The following TOP2A variants were observed in gnomAD, a reference collection of about 807,000 sequenced individuals.
The protein encoded by TOP2A is DNA topoisomerase II alpha.
Under a neutral mutation model 187.2 loss-of-function variants are expected in TOP2A, and 68 were observed. The ratio of observed to expected loss-of-function variants is 0.36; its 90% CI spans 0.30 to 0.44. TOP2A has a LOEUF of 0.44. TOP2A is among the 20% of genes least tolerant of loss of function. The pLI, the probability that TOP2A is intolerant of heterozygous loss-of-function variation, is 1.00. For missense variants in TOP2A, 1,196 were observed against 1,808.7 expected, an observed-to-expected ratio of 0.66 and a Z score of 6.14; for synonymous variants, 542 against 593.2, an observed-to-expected ratio of 0.91 and a Z score of 1.25.
chr17:40,398,898 T>C lies in TOP2A; in HGVS notation c.3328A>G (p.Lys1110Glu), dbSNP rs199941801. 3.5e-4 allele frequency: 557 copies of C among 1,612,606 alleles called. 1 individual carries two copies. The highest frequency in any genetic ancestry group is 4.4e-4 in the Non-Finnish European group (520 of 1,179,466). The change falls in exon 26 of 35, where the codon AAG (lysine) becomes GAG (glutamate). Residue 1110 changes from lysine to glutamate, a missense_variant. Lys to Glu is a moderately conservative substitution (Grantham distance 56). This residue lies in a region of TOP2A where 232 missense variants were observed against 306.1 expected (regional missense o/e 0.76). Coordinates refer to ENST00000423485, the MANE Select transcript of TOP2A (RefSeq NM_001067.4). Reference sequence around the variant, plus strand: ...ACGGAGTCACTCTTTTCAGTTTCCTTTTCGTTGTCACTCTCTTCATTTTCT... The same window carrying C: ...ACGGAGTCACTCTTTTCAGTTTCCTCTTCGTTGTCACTCTCTTCATTTTCT... ...EEENEESDNEKETEKSDSVTD... is the reference protein window; with the variant it reads ...EEENEESDNEEETEKSDSVTD...
rs536650393 is a variant in TOP2A at position 40,399,354 on chromosome 17, G to T, written c.3197-223C>A. Reference sequence around the variant, plus strand: ...ATATATGATCAAATCATTTTTTTTTGGAGACAGGGTCTCTCTCACTCTTGT... The same window carrying T: ...ATATATGATCAAATCATTTTTTTTTTGAGACAGGGTCTCTCTCACTCTTGT... On this transcript the variant is annotated intron_variant, in intron 24 of 34. Coordinates refer to ENST00000423485, the MANE Select transcript of TOP2A (RefSeq NM_001067.4). The T allele has an allele frequency of 6.5e-5, 31 of 478,712 alleles. 1 individual carries two copies. Among genetic ancestry groups the T allele is most frequent in the East Asian group, 6.1e-4 (16 of 26,346 alleles). 29.7% of individuals were successfully genotyped at this position (478,712 alleles called of 1,614,324 possible).
At chr17:40,413,430 A>AAT in intron 5 of TOP2A, 50 bp downstream of exon 5, 1 of 1,437,386 alleles carries the variant, frequency 7.0e-7, no homozygotes, top group Non-Finnish European at 9.3e-7. Flanking sequence ...CAGTCATTTA[A>AAT]ATATATATAT....
In TOP2A at chr17:40,389,781, C is replaced by A. The variant is rs1411044769; in HGVS notation, c.4468-134G>T. On this transcript the variant is annotated intron_variant, in intron 34 of 34. Transcript: ENST00000423485. ...CAAGTAATAAGAAGCAGATCTAAGGCCAACTCTTCCATTGCCCAAATAAGT... is the reference window on the plus strand; with the variant it reads ...CAAGTAATAAGAAGCAGATCTAAGGACAACTCTTCCATTGCCCAAATAAGT... The A allele has an allele frequency of 2.3e-6, 3 of 1,286,496 alleles. No individual in the cohort carries two copies. The African/African-American group carries it at 4.5e-5, about 19-fold the overall frequency. 79.7% of individuals were successfully genotyped at this position (1,286,496 alleles called of 1,614,324 possible).
Position 40,404,245 on chromosome 17 carries a change from C to T in TOP2A, c.2190G>A (p.Leu730=). 1.9e-6 allele frequency: 3 copies of T among 1,613,786 alleles called. No homozygotes were observed. Among genetic ancestry groups the T allele is most frequent in the Non-Finnish European group, 2.5e-6 (3 of 1,179,810 alleles). The change falls in exon 19 of 35, where the codon TTG becomes TTA. Residue 730 remains leucine, a synonymous_variant. Transcript: ENST00000423485. Reference sequence around the variant, plus strand: ...TGTCATTCCGTTTGAAGCAAGTAAACAAAACCTTTCTCTGACCTGGTTTCA... The same window carrying T: ...TGTCATTCCGTTTGAAGCAAGTAAATAAAACCTTTCTCTGACCTGGTTTCA... ...DGLKPGQRKV[L]FTCFKRNDKR... is the part of the protein sequence containing the mutation.
At chr17:40,409,060 G>C in intron 10 of TOP2A, 1 of 345,696 alleles carries the variant, frequency 2.9e-6, no homozygotes, top group East Asian at 8.0e-5. Flanking sequence ...CTGGCGTGGT[G>C]GTGGGCACCT....
Position 40,408,109 on chromosome 17 carries a change from G to C in TOP2A, c.1358C>G (p.Thr453Ser), listed in dbSNP as rs1468111537. The change falls in exon 12 of 35, where the codon ACT (threonine) becomes AGT (serine). Residue 453 changes from threonine (T) to serine (S), a missense_variant. By Grantham distance (58) the Thr-to-Ser change is moderately conservative. This residue lies in a region of TOP2A where 252 missense variants were observed against 434.8 expected (regional missense o/e 0.58). Coordinates refer to ENST00000423485, the MANE Select transcript of TOP2A (RefSeq NM_001067.4). ...CTCAGTCAGGATAAGCGTACACTCA[G>C]TGGAGTTTCGGCCCCCTAAAATAAA... ...DANDAGGRNS[T>S]ECTLILTEGD... 3 of 1,597,860 alleles carry C rather than the reference G, an allele frequency of 1.9e-6. No individual in the cohort carries two copies. The highest frequency in any genetic ancestry group is 2.6e-6 in the Non-Finnish European group (3 of 1,173,930).
intron 1 of TOP2A, chr17:40,417,480 C>T: frequency 3.1e-6 from 4 of 1,300,464 alleles, no homozygotes; most frequent in Middle Eastern, 2.8e-4. Context: ...GACTCAATAA[C>T]GTCGCACCCG....
At chr17:40,412,064 G>GTGCT (rs2035328334) in intron 7 of TOP2A, among the ~76,000 whole-genome samples, 1 of 152,042 alleles carries the variant, frequency 6.6e-6, no homozygotes, top group Non-Finnish European at 1.5e-5. Flanking sequence ...GGGCATGGTG[G>GTGCT]TGCTGCCTGC....
chr17:40,399,368 TCTCA>T (rs1567784156), intron 24 of TOP2A: 2 of 467,128 alleles, frequency 4.3e-6, no homozygotes, highest in African/African-American at 3.9e-5. Context: ...ACAGGGTCTC[TCTCA>T]CTCTTGTGTC....
intron 34 of TOP2A, 138 bp downstream of exon 34, chr17:40,389,827 A>G: frequency 7.9e-7 from 1 of 1,258,388 alleles, no homozygotes; most frequent in Admixed American, 2.8e-5. Context: ...ACTTTGTTAA[A>G]ACTAAATATG....
chr17:40,404,428 T>C lies in TOP2A; in HGVS notation c.2110A>G (p.Ile704Val). 6.2e-7 allele frequency: 1 copy of C among 1,612,492 alleles called. No homozygotes were observed. The highest frequency in any genetic ancestry group is 1.1e-5 in the South Asian group (1 of 90,868). Residue 704 changes from isoleucine (I) to valine (V), a missense_variant, in exon 18 of 35, where the codon ATC (isoleucine) becomes GTC (valine). Ile to Val is a conservative substitution (Grantham distance 29, BLOSUM62 3). Around this residue, in one of 10 missense-constraint regions of TOP2A, gnomAD observed 209 missense variants for 376.9 expected, o/e 0.55. Transcript: ENST00000423485. ...TYNDFINKEL[I>V]LFSNSDNERS... is the part of the protein sequence containing the mutation. ...TCGTTATCAGAATTTGAGAACAAGA[T>C]AAGTTCCTTGTTGATGAAGTCATTA...
intron 16 of TOP2A, among the ~76,000 whole-genome samples, chr17:40,405,114 T>C (rs520630): frequency 0.85 from 127,775 of 151,000 alleles, 54,596 homozygotes; most frequent in African/African-American, 0.96. Flanking sequence ...CTCAGCCTCC[T>C]GAGCCCCTGG....
intron 4 of TOP2A, among the ~76,000 whole-genome samples, chr17:40,414,491 C>CT (rs1397710323): frequency 1.3e-5 from 2 of 152,118 alleles, no homozygotes; most frequent in African/African-American, 2.4e-5. Context: ...AGTGAGTCAT[C>CT]ATGCCTATTA....
intron 27 of TOP2A, among the ~76,000 whole-genome samples, chr17:40,398,110 CTTTTTTTT>C (rs1048890086): frequency 1.6e-5 from 2 of 127,650 alleles, no homozygotes; most frequent in Non-Finnish European, 3.3e-5. Context: ...TAATCTGTCC[CTTTTTTTT>C]TTTTTTTTTT....
Position 40,416,888 on chromosome 17 carries a change from T to C in TOP2A, c.29A>G (p.Asn10Ser), listed in dbSNP as rs1289313411. 1 of 1,597,730 alleles carries C rather than the reference T, an allele frequency of 6.3e-7. No homozygotes were observed. The highest frequency in any genetic ancestry group is 8.5e-7 in the Non-Finnish European group (1 of 1,174,476). ...TATTTTGTTGACTTGCATATTTTCATTTACAGGCTAGCAATTAAAAAAAAA... is the reference window on the plus strand; with the variant it reads ...TATTTTGTTGACTTGCATATTTTCACTTACAGGCTAGCAATTAAAAAAAAA... MEVSPLQPV[N>S]ENMQVNKIKK... is the part of the protein sequence containing the mutation. Residue 10 changes from asparagine to serine, a missense_variant, in exon 2 of 35, where the codon AAT (asparagine) becomes AGT (serine). Transcript: ENST00000423485.
At chr17:40,391,256 G>C in intron 33 of TOP2A, 1 of 379,360 alleles carries the variant, frequency 2.6e-6, no homozygotes, top group East Asian at 5.3e-5. Flanking sequence ...GTGCAGTAGT[G>C]AGAAGGAGGG....
At chr17:40,395,153 T>C (rs1378807100) in intron 29 of TOP2A, among the ~76,000 whole-genome samples, 1 of 151,834 alleles carries the variant, frequency 6.6e-6, no homozygotes, top group African/African-American at 2.4e-5. Flanking sequence ...CGTGGTGGCA[T>C]GCACCTATAA....
rs2034998241 is a variant in TOP2A, at chr17:40,389,633, C to T, written c.4482G>A (p.Glu1494=). The stretch of plus-strand genomic sequence containing the variant: ...CAAAGTCCATATGGAAGTCATCACT[C>T]TCCCCCTTGGATTTCTAAAAGAGAA... ...KAVTSKKSKG[E]SDDFHMDFDS... The change falls in exon 35 of 35, where the codon GAG becomes GAA. Residue 1494 remains glutamate, a synonymous_variant. Coordinates refer to ENST00000423485, the MANE Select transcript of TOP2A (RefSeq NM_001067.4). The T allele has an allele frequency of 6.2e-7, 1 of 1,609,972 alleles. No individual in the cohort carries two copies. Among genetic ancestry groups the T allele is most frequent in the South Asian group, 1.1e-5 (1 of 89,910 alleles).
intron 13 of TOP2A, 91 bp downstream of exon 13, chr17:40,407,458 C>A: frequency 9.5e-7 from 1 of 1,054,202 alleles, no homozygotes; most frequent in African/African-American, 1.6e-5. Context: ...TCCTATTTAA[C>A]TAATTTATTT....
Sources: gnomAD v4.1 joint callset for allele counts (sites outside exome capture counted in the v4.1 genomes callset) on GRCh38, gnomAD v4.1.1 for gene constraint, gnomAD v4.1.1 regional missense constraint, MANE v1.5 for transcripts, NCBI Gene and HGNC (gene_info 2026-07-23, HGNC 2026-07-21) for gene names.